NR2F1-AS1: variants seen among roughly 807,000 people sequenced by gnomAD.
NR2F1-AS1 encodes NR2F1 regulatory antisense RNA 1, also known as NR2F1 antisense RNA 1.
chr5:93,480,011 C>T (rs1177815754), intron 4 of NR2F1-AS1, among the ~76,000 whole-genome samples: 1 of 151,662 alleles, frequency 6.6e-6, no homozygotes, highest in Non-Finnish European at 1.5e-5. Context: ...ATTAATGAAG[C>T]AAAATAAACA....
intron 4 of NR2F1-AS1, among the ~76,000 whole-genome samples, chr5:93,426,444 A>G (rs1171701715): frequency 6.6e-6 from 1 of 152,188 alleles, no homozygotes; most frequent in African/African-American, 2.4e-5. Context: ...CTTCTAGCAT[A>G]ATTTATTCAA....
rs546833963 is a variant in NR2F1-AS1 at position 93,479,465 on chromosome 5, A to C, written n.638+74296T>G. Among the ~76,000 whole-genome samples the C allele has an allele frequency of 1.5e-4, 23 of 152,370 alleles. No homozygotes were observed. In the South Asian group the frequency reaches 4.6e-3, roughly 30 times the overall value. ...TCTGGAACCACACATAACAAGGAAT[A>C]TAGTTTTTTCAAAACAATTTGGAAA... On this transcript the variant is annotated intron_variant and non_coding_transcript_variant, in intron 4 of 5. Transcript: ENST00000660523.
At chr5:93,584,187 C>T (rs1438562277), upstream of NR2F1-AS1, 2 of 148,856 alleles carry the variant, frequency 1.3e-5, no homozygotes, top group Admixed American at 6.7e-5. Context: ...CGGCCCCGGC[C>T]TCCGCTCGCG....
chr5:93,414,713 G>C (rs1284953641), intron 4 of NR2F1-AS1, among the ~76,000 whole-genome samples: 4 of 152,008 alleles, frequency 2.6e-5, no homozygotes, highest in African/African-American at 9.7e-5. Context: ...GAATACCATG[G>C]GCTGTTACTT....
chr5:93,517,889 C>G (rs1254351598), intron 4 of NR2F1-AS1, among the ~76,000 whole-genome samples: 1 of 152,080 alleles, frequency 6.6e-6, no homozygotes, highest in Non-Finnish European at 1.5e-5. Context: ...TTACATACCA[C>G]TTTTTGTAGT....
At chr5:93,437,105 C>A (rs191523541) in intron 4 of NR2F1-AS1, among the ~76,000 whole-genome samples, 316 of 151,962 alleles carry the variant, frequency 2.1e-3, no homozygotes, top group Non-Finnish European at 3.5e-3. Flanking sequence ...GTATTTAGTC[C>A]TCTAACATAC....
chr5:93,567,746 T>C (rs911652127), intron 1 of NR2F1-AS1, among the ~76,000 whole-genome samples: 10 of 152,276 alleles, frequency 6.6e-5, no homozygotes, highest in East Asian at 5.8e-4. Context: ...TTAAAGAGGA[T>C]AGATTTCAGT....
At chr5:93,478,299 C>T (rs934553791) in intron 4 of NR2F1-AS1, among the ~76,000 whole-genome samples, 2 of 152,192 alleles carry the variant, frequency 1.3e-5, no homozygotes, top group Non-Finnish European at 2.9e-5. Context: ...CTCAGGATGG[C>T]AATCAACATG....
At chr5:93,569,526 C>G (rs966548518) in intron 1 of NR2F1-AS1, among the ~76,000 whole-genome samples, 4 of 152,168 alleles carry the variant, frequency 2.6e-5, no homozygotes, top group Non-Finnish European at 4.4e-5. Context: ...CTGCGGAGGT[C>G]AGTAAAACTA....
At chr5:93,522,451 C>T (rs1008583010) in intron 4 of NR2F1-AS1, among the ~76,000 whole-genome samples, 1 of 152,076 alleles carries the variant, frequency 6.6e-6, no homozygotes, top group Non-Finnish European at 1.5e-5. Flanking sequence ...AATTCATTCC[C>T]TTTTTTAAAA....
intron 4 of NR2F1-AS1, among the ~76,000 whole-genome samples, chr5:93,427,589 T>G (rs899560688): frequency 1.9e-4 from 29 of 152,194 alleles, no homozygotes; most frequent in Non-Finnish European, 4.4e-5. Context: ...GTCCCTACTC[T>G]CAGCACCCAG....
intron 2 of NR2F1-AS1, among the ~76,000 whole-genome samples, chr5:93,558,657 T>G (rs144879954): frequency 1.3e-3 from 197 of 152,270 alleles, no homozygotes; most frequent in African/African-American, 4.4e-3. Flanking sequence ...AACTTGAAAG[T>G]TGAAATTACT....
At chr5:93,497,732 TAATA>T (rs1351046407) in intron 4 of NR2F1-AS1, among the ~76,000 whole-genome samples, 3 of 152,186 alleles carry the variant, frequency 2.0e-5, no homozygotes, top group Non-Finnish European at 2.9e-5. Context: ...ACAGATGACA[TAATA>T]AATATATGAA....
chr5:93,450,740 G>C (rs910906248), intron 4 of NR2F1-AS1, among the ~76,000 whole-genome samples: 1 of 151,644 alleles, frequency 6.6e-6, no homozygotes, highest in Non-Finnish European at 1.5e-5. Context: ...AGGTTTCTCA[G>C]AACTTGTATG....
intron 4 of NR2F1-AS1, among the ~76,000 whole-genome samples, chr5:93,422,715 C>A (rs1477874993): frequency 6.6e-6 from 1 of 152,108 alleles, no homozygotes. Context: ...AAATGTGTCC[C>A]CTACCTCAGT....
chr5:93,438,323 T>C (rs1249271087), intron 4 of NR2F1-AS1, among the ~76,000 whole-genome samples: 1 of 152,152 alleles, frequency 6.6e-6, no homozygotes, highest in African/African-American at 2.4e-5. Context: ...CTGCTTGATA[T>C]TTACTTTCCC....
At chr5:93,527,856 T>C (rs765941342) in intron 4 of NR2F1-AS1, among the ~76,000 whole-genome samples, 25 of 152,082 alleles carry the variant, frequency 1.6e-4, no homozygotes, top group Non-Finnish European at 3.5e-4. Flanking sequence ...TCAACATGGA[T>C]TAAAGACTTA....
At chr5:93,460,524 A>G (rs1197318415) in intron 4 of NR2F1-AS1, among the ~76,000 whole-genome samples, 1 of 152,222 alleles carries the variant, frequency 6.6e-6, no homozygotes, top group East Asian at 1.9e-4. Flanking sequence ...ACAGAAATAA[A>G]ATGAAGGACA....
At chr5:93,527,809 C>A (rs183990084) in intron 4 of NR2F1-AS1, among the ~76,000 whole-genome samples, 4 of 152,062 alleles carry the variant, frequency 2.6e-5, no homozygotes, top group African/African-American at 4.8e-5. Context: ...GAAAACTGAA[C>A]CTGGACCCCT....
Sources: gnomAD v4.1 joint callset for allele counts (sites outside exome capture counted in the v4.1 genomes callset) on GRCh38, gnomAD v4.1.1 for gene constraint, MANE v1.5 for transcripts, NCBI Gene and HGNC (gene_info 2026-07-23, HGNC 2026-07-21) for gene names.